Variants in PRKAG3 observed in about 807,000 individuals in gnomAD.
PRKAG3 encodes 5'-AMP-activated protein kinase subunit gamma-3.
A neutral mutation model predicts 56.5 loss-of-function variants in PRKAG3; 39 were observed. The observed-to-expected ratio is 0.69, with a 90% CI of 0.53 to 0.90. The LOEUF is 0.90. PRKAG3 is among the 40% of genes least tolerant of loss of function. The pLI, the probability that PRKAG3 is intolerant of heterozygous loss-of-function variation, is 0.00. For missense variants in PRKAG3, 628 were observed against 627.5 expected (o/e 1.00, Z -0.01); for synonymous variants, 243 against 250.1 (o/e 0.97, Z 0.27).
At chr2:218,830,204 G>A in exon 4 of PRKAG3, 5 of 1,614,098 alleles carry the variant, frequency 3.1e-6, no homozygotes, top group Non-Finnish European at 4.2e-6. Flanking sequence ...GAACTCCGTG[G>A]CCAGCTCCAC....
chr2:218,827,210 A>C lies in PRKAG3; in HGVS notation c.1002+37T>G, dbSNP rs907943017. Reference sequence around the variant, plus strand: ...CCTCAGGCCCTCTGATCACCTGCCCAGGTCTCCCCCTTCCTCCCACCTGGG... The same window carrying C: ...CCTCAGGCCCTCTGATCACCTGCCCCGGTCTCCCCCTTCCTCCCACCTGGG... On this transcript the variant is annotated intron_variant, in intron 9 of 12. Transcript: ENST00000529249. This position sits in a 1 kb window ranked among gnomAD's most constrained non-coding sequence, Gnocchi z 5.3. 4 of 1,613,890 alleles carry C rather than the reference A, an allele frequency of 2.5e-6. No homozygotes were observed. Among genetic ancestry groups the C allele is most frequent in the African/African-American group, 2.7e-5 (2 of 74,930 alleles).
chr2:218,831,472 T>A lies in PRKAG3; in HGVS notation c.34-97A>T, dbSNP rs1338839016. The A allele has an allele frequency of 1.7e-5, 20 of 1,177,322 alleles. No individual in the cohort carries two copies. In the Admixed American group the frequency reaches 4.5e-4, roughly 27 times the overall value. The allele number at this position is 1,177,322 out of a possible 1,614,324, so 72.9% of individuals were successfully genotyped here. On this transcript the variant is annotated intron_variant, in intron 1 of 12. Coordinates refer to ENST00000529249, the Ensembl canonical transcript of PRKAG3. Reference sequence around the variant, plus strand: ...ACGCCTACACACCCATGCACACCAATACACACGCTCAGACACACGCCATAC... The same window carrying A: ...ACGCCTACACACCCATGCACACCAAAACACACGCTCAGACACACGCCATAC...
Position 218,827,003 on chromosome 2 carries a change from T to C in PRKAG3, c.1093A>G (p.Thr365Ala), listed in dbSNP as rs773452273. The change falls in exon 10 of 13, where the codon ACA becomes GCA. Residue 365 changes from threonine to alanine, a missense_variant. Coordinates refer to ENST00000529249, the Ensembl canonical transcript of PRKAG3. This position sits in a 1 kb window ranked among gnomAD's most constrained non-coding sequence, Gnocchi z 5.3. ...TCCAGTGCAGTCAGGATGGGTGCTG[T>C]CTCCAGCACCACAGCCAAGTCTCGG... is the stretch of plus-strand genomic sequence containing the variant. The C allele has an allele frequency of 1.2e-6, 2 of 1,613,808 alleles. No homozygotes were observed. The highest frequency in any genetic ancestry group is 1.7e-6 in the Non-Finnish European group (2 of 1,179,948).
rs78548114 is a variant in PRKAG3 at position 218,827,540 on chromosome 2, G to A, written c.875+35C>T. 1,520 of 1,609,244 alleles carry A rather than the reference G, an allele frequency of 9.4e-4. 15 individuals carry two copies. The African/African-American group carries it at 0.019, about 20-fold the overall frequency. On this transcript the variant is annotated intron_variant, in intron 8 of 12. Transcript: ENST00000529249. The surrounding 1 kb of genome is among the most constrained non-coding windows in gnomAD (Gnocchi z 5.3). ...GGGACTGGGGAAGGGGACTGTGGGAGGAGGAGGCTCAGGTGAATGAGCAGA... is the reference window on the plus strand; with the variant it reads ...GGGACTGGGGAAGGGGACTGTGGGAAGAGGAGGCTCAGGTGAATGAGCAGA...
intron 11 of PRKAG3, 80 bp downstream of exon 11, chr2:218,824,459 C>T: frequency 6.2e-7 from 1 of 1,609,742 alleles, no homozygotes; most frequent in Non-Finnish European, 8.5e-7. Flanking sequence ...TGTCAAGGTC[C>T]CCCTGGTCCA....
At position 218,823,583 on chromosome 2, in the gene PRKAG3, A is replaced by G. The variant is rs77447326; in HGVS notation, c.*179T>C. ...CCACTCCCATCCTCAGGGTGTCCCAATCTGAGATCCAGGAAATCAGGAAGA... is the reference window on the plus strand; with the variant it reads ...CCACTCCCATCCTCAGGGTGTCCCAGTCTGAGATCCAGGAAATCAGGAAGA... On this transcript the variant is annotated 3_prime_UTR_variant, in exon 13 of 13. Transcript: ENST00000529249. 9,912 of 1,381,034 alleles carry G rather than the reference A, an allele frequency of 7.2e-3. 584 individuals are homozygous for G. The African/African-American group carries it at 0.12, about 17-fold the overall frequency. The allele number at this position is 1,381,034 out of a possible 1,614,324, so 85.5% of individuals were successfully genotyped here. A position where few individuals can be genotyped will look rare whatever the true frequency, so the allele number is the denominator to read the frequency against.
rs1217371950 is a variant in PRKAG3 at position 218,830,210 on chromosome 2, TC to T, written c.400del (p.Glu134SerfsTer16). The T allele has an allele frequency of 1.2e-6, 2 of 1,614,076 alleles. No individual in the cohort carries two copies. The highest frequency in any genetic ancestry group is 2.7e-5 in the African/African-American group (2 of 75,052). On this transcript the variant is annotated frameshift_variant, in exon 4 of 13. Coordinates refer to ENST00000529249, the Ensembl canonical transcript of PRKAG3. LOFTEE classifies it high-confidence loss of function. ...TGTGGCTGGGAACTCCGTGGCCAGC[TC>T]CACATCATCTGTGCTGGAGCCTGCA...
chr2:218,829,925 C>T (rs878893166), intron 4 of PRKAG3, 53 bp downstream of exon 4: 5 of 1,557,036 alleles, frequency 3.2e-6, no homozygotes, highest in Non-Finnish European at 1.7e-6. Context: ...GTGGCGGCTG[C>T]AGCACCGTGT....
chr2:218,831,386 AAG>A lies in PRKAG3; in HGVS notation c.34-13_34-12del, dbSNP rs779856875. 2.4e-5 allele frequency: 39 copies of A among 1,597,476 alleles called. 1 individual carries two copies. The South Asian group carries it at 3.5e-4, about 14-fold the overall frequency. On this transcript the variant is annotated splice_polypyrimidine_tract_variant and intron_variant, in intron 1 of 12. Transcript: ENST00000529249. ...GCTCCAGGAAGGGGTCTGTGGGGAG[AAG>A]AGTTTCTGAAGGAGTGGGGAAAGTG...
Position 218,827,902 on chromosome 2 carries a change from G to A in PRKAG3, c.775-24C>T. ...ACCTAGAGACATCGACAGGACTCCA[G>A]AAGTCAGAAAGACGTGGGCTTCTAG... is the stretch of plus-strand genomic sequence containing the variant. On this transcript the variant is annotated intron_variant, in intron 6 of 12. Transcript: ENST00000529249. This position sits in a 1 kb window ranked among gnomAD's most constrained non-coding sequence, Gnocchi z 5.3. The A allele has an allele frequency of 6.2e-7, 1 of 1,613,906 alleles. No homozygotes were observed. The highest frequency in any genetic ancestry group is 1.7e-5 in the Admixed American group (1 of 60,002).
chr2:218,827,486 A>G lies in PRKAG3; in HGVS notation c.875+89T>C. On this transcript the variant is annotated intron_variant, in intron 8 of 12. Transcript: ENST00000529249. This position sits in a 1 kb window ranked among gnomAD's most constrained non-coding sequence, Gnocchi z 5.3. Reference sequence around the variant, plus strand: ...AGGCTCCCTTGTCTGTGTGCCGCCTAGGATGAAGAGGTGAGTTCAGAGCTG... The same window carrying G: ...AGGCTCCCTTGTCTGTGTGCCGCCTGGGATGAAGAGGTGAGTTCAGAGCTG... The G allele has an allele frequency of 1.9e-6, 3 of 1,599,946 alleles. No homozygotes were observed. The highest frequency in any genetic ancestry group is 2.6e-6 in the Non-Finnish European group (3 of 1,167,546).
At position 218,827,968 on chromosome 2, in the gene PRKAG3, T is replaced by G. The variant is rs764942644; in HGVS notation, c.774+36A>C. ...GAGGACTCCCCTCCGCCCCCGCCCC[T>G]CTGGGTGCCCATAAGATTCCCAGCC... On this transcript the variant is annotated intron_variant, in intron 6 of 12. Coordinates refer to ENST00000529249, the Ensembl canonical transcript of PRKAG3. The surrounding 1 kb of genome is among the most constrained non-coding windows in gnomAD (Gnocchi z 5.3). 9 of 1,592,800 alleles carry G rather than the reference T, an allele frequency of 5.7e-6. No homozygotes were observed. Among genetic ancestry groups the G allele is most frequent in the Non-Finnish European group, 7.7e-6 (9 of 1,168,446 alleles).
rs376517130 is a variant in PRKAG3 at position 218,827,419 on chromosome 2, C to T, written c.876-46G>A. The stretch of plus-strand genomic sequence containing the variant: ...AGCCTCGGGGCAGCCTAGGGAGAGA[C>T]AACCTCCATCCCAGGCCCCTAAAAA... On this transcript the variant is annotated intron_variant, in intron 8 of 12. Transcript: ENST00000529249. This position sits in a 1 kb window ranked among gnomAD's most constrained non-coding sequence, Gnocchi z 5.3. 8 of 1,613,158 alleles carry T rather than the reference C, an allele frequency of 5.0e-6. No homozygotes were observed. Among genetic ancestry groups the T allele is most frequent in the African/African-American group, 1.3e-5 (1 of 74,870 alleles).
At chr2:218,828,089 A>AGGAGGTCC in intron 5 of PRKAG3, 27 bp from the exon 6 acceptor site, 4 of 1,547,996 alleles carry the variant, frequency 2.6e-6, no homozygotes, top group Non-Finnish European at 3.5e-6. Flanking sequence ...GGAGGAGGTC[A>AGGAGGTCC]GCCCGGGGCC....
downstream of PRKAG3, chr2:218,822,490 G>A (rs1490185835): frequency 6.6e-6 from 1 of 152,174 alleles, no homozygotes; most frequent in African/African-American, 2.4e-5. Flanking sequence ...GCAGCATTTT[G>A]AGTGAAACCA....
In PRKAG3 at chr2:218,829,920, G is replaced by A. The variant is rs1029909633; in HGVS notation, c.633+58C>T. 8 of 1,549,122 alleles carry A rather than the reference G, an allele frequency of 5.2e-6. No homozygotes were observed. In the African/African-American group the frequency reaches 5.4e-5, roughly 11 times the overall value. ...GGGCATCCTGCAGGGTGGGAGTGGCGGCTGCAGCACCGTGTGGATGGAGAG... is the reference window on the plus strand; with the variant it reads ...GGGCATCCTGCAGGGTGGGAGTGGCAGCTGCAGCACCGTGTGGATGGAGAG... On this transcript the variant is annotated intron_variant, in intron 4 of 12. Coordinates refer to ENST00000529249, the Ensembl canonical transcript of PRKAG3.
chr2:218,823,465 GTC>G, exon 13 of PRKAG3: 1 of 440,176 alleles, frequency 2.3e-6, no homozygotes, highest in East Asian at 5.1e-5. Flanking sequence ...TTCTAGGACA[GTC>G]TCCATGACCT....
chr2:218,826,934 C>A lies in PRKAG3; in HGVS notation c.1162G>T (p.Glu388Ter). 1 of 1,614,086 alleles carries A rather than the reference C, an allele frequency of 6.2e-7. No homozygotes were observed. The highest frequency in any genetic ancestry group is 8.5e-7 in the Non-Finnish European group (1 of 1,180,044). ...TCATCCTGGGGGTGGGTACCACATT[C>A]GTTGACCACAGGCAGTGCAGACACA... The change falls in exon 10 of 13, where the codon GAA (glutamate) becomes TAA (stop). Residue 388 changes from glutamate to a stop codon, truncating the protein, a stop_gained. Transcript: ENST00000529249. LOFTEE classifies it high-confidence loss of function.
intron 10 of PRKAG3, among the ~76,000 whole-genome samples, chr2:218,825,564 C>T (rs1943919998): frequency 7.0e-6 from 1 of 142,044 alleles, no homozygotes; most frequent in African/African-American, 3.1e-5. Flanking sequence ...ACAAGAATCA[C>T]TTGAACTCGG....
Sources: allele counts gnomAD v4.1 joint callset (sites outside exome capture counted in the v4.1 genomes callset), GRCh38; gene constraint gnomAD v4.1.1; non-coding constraint Gnocchi (gnomAD v3.1); transcripts MANE v1.5; gene names NCBI Gene and HGNC (gene_info 2026-07-23, HGNC 2026-07-21).